MAP2K4: variants seen among roughly 807,000 people sequenced by gnomAD.
MAP2K4 encodes mitogen-activated protein kinase kinase 4.
In MAP2K4, 4 loss-of-function variants were observed where a neutral mutation model predicts 48.5. The observed-to-expected ratio is 0.08, with a 90% CI of 0.04 to 0.19. MAP2K4 has a LOEUF of 0.19. Ranked by LOEUF, MAP2K4 falls within the 10% of genes least tolerant of loss-of-function variation. The pLI is 1.00. For missense variants in MAP2K4, 258 were observed against 493.3 expected, an observed-to-expected ratio of 0.52 and a Z score of 4.52; for synonymous variants, 166 against 173.1, an observed-to-expected ratio of 0.96 and a Z score of 0.32.
chr17:12,085,131 G>A (rs1211836004), intron 3 of MAP2K4, among the ~76,000 whole-genome samples: 1 of 152,116 alleles, frequency 6.6e-6, no homozygotes, highest in Non-Finnish European at 1.5e-5. Flanking sequence ...CTTCTTGAAG[G>A]TATGCATGCC....
At chr17:12,133,932 C>CT (rs1203013828) in intron 9 of MAP2K4, among the ~76,000 whole-genome samples, 3 of 152,344 alleles carry the variant, frequency 2.0e-5, no homozygotes, top group African/African-American at 7.2e-5. Context: ...TCACAGGCAG[C>CT]TGGGACAGTG....
chr17:12,026,475 A>T (rs956380370), intron 1 of MAP2K4, among the ~76,000 whole-genome samples: 2 of 152,238 alleles, frequency 1.3e-5, no homozygotes, highest in African/African-American at 4.8e-5. Flanking sequence ...AGGGAAAGTA[A>T]CAGTTAACAA....
At chr17:12,120,449 G>A (rs1222163356) in intron 7 of MAP2K4, among the ~76,000 whole-genome samples, 1 of 151,640 alleles carries the variant, frequency 6.6e-6, no homozygotes, top group Non-Finnish European at 1.5e-5. Flanking sequence ...AACAGAGCAA[G>A]ATTCTGTCTC....
intron 1 of MAP2K4, among the ~76,000 whole-genome samples, chr17:12,029,515 G>A (rs901179209): frequency 6.6e-6 from 1 of 152,018 alleles, no homozygotes; most frequent in Non-Finnish European, 1.5e-5. Flanking sequence ...AAAAAAGTGA[G>A]GCACACACGA....
intron 1 of MAP2K4, among the ~76,000 whole-genome samples, chr17:12,045,931 T>C (rs549913826): frequency 6.6e-6 from 1 of 152,352 alleles, no homozygotes; most frequent in African/African-American, 2.4e-5. Flanking sequence ...GATTTAAAAA[T>C]GGTCTGAGCA....
intron 3 of MAP2K4, among the ~76,000 whole-genome samples, chr17:12,095,007 A>AT (rs1348323494): frequency 6.6e-6 from 1 of 152,110 alleles, no homozygotes; most frequent in Non-Finnish European, 1.5e-5. Flanking sequence ...CCAATCTAGG[A>AT]TTTTGGAGAC....
In MAP2K4 at chr17:12,020,942, G is replaced by A. The variant is rs976985059; in HGVS notation, c.56G>A (p.Gly19Asp). The A allele has an allele frequency of 4.9e-6, 6 of 1,217,284 alleles. No homozygotes were observed. Among genetic ancestry groups the A allele is most frequent in the African/African-American group, 1.6e-5 (1 of 63,662 alleles). 75.4% of individuals were successfully genotyped at this position (1,217,284 alleles called of 1,614,324 possible). ...GGCTCCGGGGGCGGCAGCGGCAGCGGCACCCCCGGCCCCGTAGGGTCCCCG... is the reference window on the plus strand; with the variant it reads ...GGCTCCGGGGGCGGCAGCGGCAGCGACACCCCCGGCCCCGTAGGGTCCCCG... Reference protein sequence around the residue: ...GGGSGGGSGSGTPGPVGSPAP... With the variant: ...GGGSGGGSGSDTPGPVGSPAP... The change falls in exon 1 of 11, where the codon GGC becomes GAC. Residue 19 changes from glycine to aspartate, a missense_variant. Gly to Asp is a moderately conservative substitution (Grantham distance 94). This residue lies in a region of MAP2K4 where 69 missense variants were observed against 56.2 expected (regional missense o/e 1.23). Transcript: ENST00000353533.
chr17:12,086,249 A>C (rs1198690171), intron 3 of MAP2K4, among the ~76,000 whole-genome samples: 1 of 152,156 alleles, frequency 6.6e-6, no homozygotes, highest in Non-Finnish European at 1.5e-5. Context: ...CATGTGACTT[A>C]CTTAAGGCAT....
At chr17:12,060,341 A>G (rs1189701047) in intron 2 of MAP2K4, among the ~76,000 whole-genome samples, 2 of 152,122 alleles carry the variant, frequency 1.3e-5, no homozygotes, top group African/African-American at 4.8e-5. Flanking sequence ...TATATAATGA[A>G]TAGGAAGGGG....
intron 1 of MAP2K4, among the ~76,000 whole-genome samples, chr17:12,041,098 A>G (rs909216512): frequency 6.6e-6 from 1 of 152,240 alleles, no homozygotes; most frequent in African/African-American, 2.4e-5. Context: ...CACGCTCTTG[A>G]TTATTCTTAA....
chr17:12,026,696 TGAAG>T (rs1204316873), intron 1 of MAP2K4, among the ~76,000 whole-genome samples: 1 of 152,242 alleles, frequency 6.6e-6, no homozygotes, highest in Non-Finnish European at 1.5e-5. Context: ...CATTCAGGTC[TGAAG>T]GAAGCATCTT....
chr17:12,117,739 G>A (rs1972550292), intron 7 of MAP2K4, among the ~76,000 whole-genome samples: 1 of 152,168 alleles, frequency 6.6e-6, no homozygotes, highest in South Asian at 2.1e-4. Flanking sequence ...TTATAGCACA[G>A]AAAGTCAAGC....
At chr17:12,086,557 A>G (rs1455863563) in intron 3 of MAP2K4, among the ~76,000 whole-genome samples, 1 of 152,182 alleles carries the variant, frequency 6.6e-6, no homozygotes, top group Non-Finnish European at 1.5e-5. Context: ...CAAAATCAGT[A>G]CTGTTCGGGG....
chr17:12,101,210 A>G (rs576667807), intron 4 of MAP2K4, among the ~76,000 whole-genome samples: 2 of 151,924 alleles, frequency 1.3e-5, no homozygotes, highest in South Asian at 4.1e-4. Context: ...ATACTTATCC[A>G]TTTGGAGTTA....
chr17:12,038,604 G>GT (rs1459542649), intron 1 of MAP2K4, among the ~76,000 whole-genome samples: 1 of 152,148 alleles, frequency 6.6e-6, no homozygotes, highest in African/African-American at 2.4e-5. Flanking sequence ...CTGAAGAAGT[G>GT]TATGTTCTTT....
At chr17:12,120,393 G>T (rs571791237) in intron 7 of MAP2K4, among the ~76,000 whole-genome samples, 1 of 152,234 alleles carries the variant, frequency 6.6e-6, no homozygotes, top group Non-Finnish European at 1.5e-5. Context: ...CCAGGAGGCA[G>T]AAGTTGCAGT....
intron 3 of MAP2K4, among the ~76,000 whole-genome samples, chr17:12,090,942 G>A (rs78570852): frequency 2.0e-5 from 3 of 152,104 alleles, no homozygotes; most frequent in African/African-American, 4.8e-5. Flanking sequence ...CATACTTACC[G>A]ATGTTAGTTT....
intron 1 of MAP2K4, among the ~76,000 whole-genome samples, chr17:12,037,323 A>G (rs1969632558): frequency 6.6e-6 from 1 of 152,190 alleles, no homozygotes; most frequent in Non-Finnish European, 1.5e-5. Flanking sequence ...TGGGAAAGAT[A>G]CTAAGTTTAC....
chr17:12,053,426 T>C (rs1424053764), intron 1 of MAP2K4, among the ~76,000 whole-genome samples: 1 of 152,122 alleles, frequency 6.6e-6, no homozygotes, highest in Non-Finnish European at 1.5e-5. Context: ...TTTTTTTCTA[T>C]TTTTCTTGAT....
Sources: allele counts gnomAD v4.1 joint callset (sites outside exome capture counted in the v4.1 genomes callset), GRCh38; gene constraint gnomAD v4.1.1; regional missense constraint gnomAD v4.1.1; transcripts MANE v1.5; gene names NCBI Gene and HGNC (gene_info 2026-07-23, HGNC 2026-07-21).